Variants in NFIB observed in about 807,000 individuals in gnomAD.
NFIB encodes the protein nuclear factor I B.
In NFIB, 11 loss-of-function variants were observed where a neutral mutation model predicts 61.5. The ratio of observed to expected loss-of-function variants is 0.18; its 90% confidence interval spans 0.11 to 0.30. The LOEUF (loss-of-function observed/expected upper bound fraction) is 0.30. NFIB is among the 10% of genes least tolerant of loss of function. The pLI is 1.00. For synonymous variants in NFIB, 260 were observed against 216.5 expected (o/e 1.20, Z -1.76); for missense variants, 471 against 608.9 (o/e 0.77, Z 2.38).
intron 2 of NFIB, among the ~76,000 whole-genome samples, chr9:14,299,239 C>G (rs1016785903): frequency 1.3e-5 from 2 of 152,096 alleles, no homozygotes; most frequent in Non-Finnish European, 2.9e-5. Flanking sequence ...AGCACCAATA[C>G]ATTTATCCAT....
At chr9:14,239,442 C>T (rs905156153) in intron 2 of NFIB, among the ~76,000 whole-genome samples, 1 of 152,108 alleles carries the variant, frequency 6.6e-6, no homozygotes, top group Non-Finnish European at 1.5e-5. Flanking sequence ...AGTGCAGGAA[C>T]TCCTGGATAG....
intron 1 of NFIB, among the ~76,000 whole-genome samples, chr9:14,343,344 C>T (rs117512513): frequency 0.02 from 2,971 of 152,168 alleles, 43 homozygotes; most frequent in Non-Finnish European, 0.028. Flanking sequence ...TGGGCTGGGG[C>T]GGGGGAGAGT....
chr9:14,222,544 T>G (rs2051804409), intron 2 of NFIB, among the ~76,000 whole-genome samples: 1 of 152,080 alleles, frequency 6.6e-6, no homozygotes, highest in Admixed American at 6.6e-5. Flanking sequence ...GGTTCACACC[T>G]ATAATCCCAG....
the NFIB span, among the ~76,000 whole-genome samples, chr9:14,433,097 T>C: frequency 6.6e-6 from 1 of 152,124 alleles, no homozygotes; most frequent in Non-Finnish European, 1.5e-5. Flanking sequence ...CATAGTGGGG[T>C]ATAATTTTGG....
the NFIB span, among the ~76,000 whole-genome samples, chr9:14,427,394 CTAT>C: frequency 1.1e-3 from 162 of 152,250 alleles, no homozygotes; most frequent in African/African-American, 3.7e-3. Flanking sequence ...TAGGCAGATA[CTAT>C]TATTATCTAC....
the NFIB span, among the ~76,000 whole-genome samples, chr9:14,526,300 C>T: frequency 6.6e-6 from 1 of 152,112 alleles, no homozygotes; most frequent in African/African-American, 2.4e-5. Flanking sequence ...CTGTTTATTA[C>T]ATGATATGTT....
intron 2 of NFIB, among the ~76,000 whole-genome samples, chr9:14,216,503 T>C (rs150283403): frequency 0.54 from 12,840 of 23,828 alleles, 1,935 homozygotes; most frequent in African/African-American, 0.57. Context: ...TCTCTCTCTC[T>C]CTCTCTCTCT....
intron 10 of NFIB, among the ~76,000 whole-genome samples, chr9:14,090,377 C>A (rs1285689301): frequency 6.6e-6 from 1 of 152,098 alleles, no homozygotes; most frequent in Non-Finnish European, 1.5e-5. Flanking sequence ...GTGCTTTGCA[C>A]CATTGATTGG....
In NFIB at chr9:14,082,733, T is replaced by C; in HGVS notation, c.*5576A>G. 1 of 187,804 alleles carries C rather than the reference T, an allele frequency of 5.3e-6. No individual in the cohort carries two copies. Among genetic ancestry groups the C allele is most frequent in the Non-Finnish European group, 1.1e-5 (1 of 92,756 alleles). 11.6% of individuals were successfully genotyped at this position (187,804 alleles called of 1,614,324 possible). ...CTTTTATCAGTCCATGCAACTTCAA[T>C]GCCCTCGATGAAGGATGCATAAAAA... On this transcript the variant is annotated 3_prime_UTR_variant, in exon 11 of 11. Coordinates refer to ENST00000380953, the MANE Select transcript of NFIB (RefSeq NM_001190737.2).
chr9:14,447,587 C>G, the NFIB span, among the ~76,000 whole-genome samples: 1 of 152,156 alleles, frequency 6.6e-6, no homozygotes, highest in Admixed American at 6.5e-5. Context: ...CTCACCTTAA[C>G]TCCGCATTCA....
At chr9:14,100,393 T>C (rs760890518) in intron 10 of NFIB, among the ~76,000 whole-genome samples, 16 of 152,258 alleles carry the variant, frequency 1.1e-4, no homozygotes, top group African/African-American at 3.1e-4. Context: ...TCTCTTTCCA[T>C]GGGCTATCAA....
chr9:14,156,075 A>G (rs1296275315), intron 3 of NFIB, among the ~76,000 whole-genome samples, 182 bp from the exon 4 acceptor site: 2 of 152,178 alleles, frequency 1.3e-5, no homozygotes, highest in African/African-American at 4.8e-5. Context: ...CAAAAATAAA[A>G]AGTTTAGATA....
At chr9:14,516,007 T>A in the NFIB span, among the ~76,000 whole-genome samples, 1 of 152,348 alleles carries the variant, frequency 6.6e-6, no homozygotes, top group South Asian at 2.1e-4. Context: ...CGCTTGCTCA[T>A]CTGTCAGAGG....
At chr9:14,104,097 G>C (rs925958973) in intron 10 of NFIB, among the ~76,000 whole-genome samples, 1 of 151,816 alleles carries the variant, frequency 6.6e-6, no homozygotes, top group Non-Finnish European at 1.5e-5. Flanking sequence ...TTTGTTAGTA[G>C]AGATGGGGTT....
At chr9:14,216,526 CTCTCTCTCTCTCTCTCCCTCTG>C (rs2050905596) in intron 2 of NFIB, among the ~76,000 whole-genome samples, 5 of 52,560 alleles carry the variant, frequency 9.5e-5, no homozygotes, top group African/African-American at 3.0e-4. Flanking sequence ...CTCTCTCTCT[CTCTCTCTCTCTCTCTCCCTCTG>C]TGTGTGTGTG....
At chr9:14,195,153 T>G (rs2048336889) in intron 2 of NFIB, among the ~76,000 whole-genome samples, 1 of 151,676 alleles carries the variant, frequency 6.6e-6, no homozygotes, top group African/African-American at 2.4e-5. Context: ...ACCAATCAAC[T>G]GGCAAAAGAA....
chr9:14,128,861 A>G (rs1742082022), intron 6 of NFIB, among the ~76,000 whole-genome samples: 1 of 152,264 alleles, frequency 6.6e-6, no homozygotes, highest in African/African-American at 2.4e-5. Flanking sequence ...CTCCTTTTGT[A>G]AAGGGCACAT....
At chr9:14,371,808 C>G (rs1323639988) in intron 1 of NFIB, among the ~76,000 whole-genome samples, 1 of 152,166 alleles carries the variant, frequency 6.6e-6, no homozygotes, top group Non-Finnish European at 1.5e-5. Flanking sequence ...TTGGTTTGCC[C>G]TAAACAGAGA....
intron 1 of NFIB, among the ~76,000 whole-genome samples, chr9:14,371,150 C>T (rs1386507705): frequency 6.6e-6 from 1 of 152,086 alleles, no homozygotes; most frequent in African/African-American, 2.4e-5. Flanking sequence ...AAAACACACA[C>T]ACACCAACTA....
Sources: gnomAD v4.1 joint callset for allele counts (sites outside exome capture counted in the v4.1 genomes callset) on GRCh38, gnomAD v4.1.1 for gene constraint, MANE v1.5 for transcripts, NCBI Gene and HGNC (gene_info 2026-07-23, HGNC 2026-07-21) for gene names.